Variants in PUDP observed in about 807,000 individuals in gnomAD.
PUDP encodes the protein pseudouridine 5'-phosphatase, also known as pseudouridine-5'-phosphatase.
Under a neutral mutation model 9.4 loss-of-function variants are expected in PUDP, and 8 were observed. That is an observed-to-expected ratio of 0.85 (90% CI 0.50 to 1.53). PUDP has a LOEUF of 1.53. Ranked by LOEUF, PUDP falls within the 40% of genes most tolerant of loss-of-function variation. The pLI, the probability that PUDP is intolerant of heterozygous loss-of-function variation, is 0.00. For missense variants in PUDP, 188 were observed against 189.7 expected (o/e 0.99, Z 0.05); for synonymous variants, 99 against 80.7 (o/e 1.23, Z -1.22).
intron 1 of PUDP, among the ~76,000 whole-genome samples, chrX:6,998,099 G>C (rs2146807841): frequency 8.9e-6 from 1 of 111,792 alleles, no homozygotes; most frequent in Non-Finnish European, 1.9e-5. Context: ...TACAAGTATT[G>C]ACACTGAGGA....
At chrX:6,940,820 G>A (rs1345854146) in intron 3 of PUDP, among the ~76,000 whole-genome samples, 1 of 111,712 alleles carries the variant, frequency 9.0e-6, no homozygotes, top group African/African-American at 3.3e-5. Flanking sequence ...AAGTGCAGTG[G>A]AGCCCCAAGT....
chrX:7,043,127 G>A (rs1275887739), intron 1 of PUDP, among the ~76,000 whole-genome samples: 5 of 111,731 alleles, frequency 4.5e-5, no homozygotes, highest in African/African-American at 1.6e-4. Context: ...AGAAGTCCTG[G>A]GGCAGGTGAT....
At chrX:6,807,833 C>A (rs1239453630) in intron 3 of PUDP, among the ~76,000 whole-genome samples, 1 of 112,057 alleles carries the variant, frequency 8.9e-6, no homozygotes, top group Non-Finnish European at 1.9e-5. Context: ...TGGCTGAAAT[C>A]TCCCTTTGCC....
At chrX:7,103,671 A>G (rs1931802096) in intron 2 of PUDP, among the ~76,000 whole-genome samples, 1 of 112,568 alleles carries the variant, frequency 8.9e-6, no homozygotes, top group African/African-American at 3.2e-5. Context: ...ACAGTTTAAC[A>G]TTCAAAATAC....
At chrX:6,750,161 G>A (rs747230729) in intron 3 of PUDP, among the ~76,000 whole-genome samples, 3 of 111,891 alleles carry the variant, frequency 2.7e-5, no homozygotes, top group African/African-American at 9.7e-5. Flanking sequence ...GTTTCAGAGT[G>A]TGGAGCCGTT....
At chrX:6,924,797 T>C (rs781593479) in intron 3 of PUDP, among the ~76,000 whole-genome samples, 4 of 112,874 alleles carry the variant, frequency 3.5e-5, no homozygotes, top group Admixed American at 2.8e-4. Flanking sequence ...CAATGCGTTA[T>C]TTAAATATGA....
chrX:6,766,990 A>C (rs1054957549), intron 3 of PUDP, among the ~76,000 whole-genome samples: 15 of 112,978 alleles, frequency 1.3e-4, no homozygotes, highest in African/African-American at 4.8e-4. Context: ...ACAAACACAC[A>C]TGTCACATTA....
At chrX:6,847,928 T>C (rs1289057494) in intron 3 of PUDP, among the ~76,000 whole-genome samples, 1 of 111,873 alleles carries the variant, frequency 8.9e-6, no homozygotes, top group Non-Finnish European at 1.9e-5. Flanking sequence ...GTGAAACCTC[T>C]GCATATGTGA....
At chrX:6,741,937 C>T (rs1471699916) in intron 3 of PUDP, among the ~76,000 whole-genome samples, 1 of 109,447 alleles carries the variant, frequency 9.1e-6, no homozygotes, top group Non-Finnish European at 1.9e-5. Context: ...TTCACTGTAA[C>T]CTCCATCTCC....
At chrX:7,065,420 G>T (rs4830579) in intron 3 of PUDP, among the ~76,000 whole-genome samples, 22,891 of 111,486 alleles carry the variant, frequency 0.21, 1,834 homozygotes, top group South Asian at 0.32. Flanking sequence ...ATTGGAGTAG[G>T]ATTCACCTTA....
chrX:6,864,976 GA>G (rs1479666489), intron 3 of PUDP, among the ~76,000 whole-genome samples: 1 of 111,783 alleles, frequency 8.9e-6, no homozygotes, highest in Non-Finnish European at 1.9e-5. Flanking sequence ...GATGTTTGGG[GA>G]TAGAGGTGTC....
intron 1 of PUDP, among the ~76,000 whole-genome samples, chrX:6,981,813 A>T (rs1174177558): frequency 1.8e-5 from 2 of 110,948 alleles, no homozygotes; most frequent in Non-Finnish European, 3.8e-5. Context: ...TTGGACACAG[A>T]CCTTCAGATT....
At chrX:6,796,785 C>G (rs1469342480) in intron 3 of PUDP, among the ~76,000 whole-genome samples, 2 of 111,585 alleles carry the variant, frequency 1.8e-5, no homozygotes, top group Non-Finnish European at 3.8e-5. Context: ...GACAAGAAGC[C>G]ATATCACTTG....
At chrX:7,076,186 C>T (rs944601227) in intron 3 of PUDP, among the ~76,000 whole-genome samples, 7 of 112,065 alleles carry the variant, frequency 6.2e-5, no homozygotes, top group African/African-American at 1.6e-4. Context: ...AAGACTACTC[C>T]GGTAGCTCCG....
chrX:7,030,636 A>T (rs1210987678), intron 1 of PUDP, among the ~76,000 whole-genome samples: 1 of 111,466 alleles, frequency 9.0e-6, no homozygotes, highest in African/African-American at 3.3e-5. Flanking sequence ...GCTCTGGCAC[A>T]CACTGACAAG....
At chrX:6,809,184 A>G (rs1259860202) in intron 3 of PUDP, among the ~76,000 whole-genome samples, 1 of 111,372 alleles carries the variant, frequency 9.0e-6, no homozygotes, top group Admixed American at 9.6e-5. Context: ...CATGTCTTCA[A>G]GTTGCCACAG....
intron 3 of PUDP, among the ~76,000 whole-genome samples, chrX:6,792,548 G>T (rs1018424022): frequency 3.6e-5 from 4 of 110,777 alleles, no homozygotes; most frequent in African/African-American, 1.3e-4. Flanking sequence ...CCAGAGTAAA[G>T]AAATGTCCTG....
intron 3 of PUDP, among the ~76,000 whole-genome samples, chrX:6,856,248 G>T (rs1926904316): frequency 9.0e-6 from 1 of 111,706 alleles, no homozygotes; most frequent in Non-Finnish European, 1.9e-5. Flanking sequence ...TGACCACCAA[G>T]CAGGTGACCA....
chrX:6,709,819 G>A (rs981904283), intron 1 of PUDP, among the ~76,000 whole-genome samples: 1 of 111,966 alleles, frequency 8.9e-6, no homozygotes, highest in Non-Finnish European at 1.9e-5. Context: ...AGAGAAACTG[G>A]ACGTTTTAAA....
Sources: allele counts gnomAD v4.1 joint callset (sites outside exome capture counted in the v4.1 genomes callset), GRCh38; gene constraint gnomAD v4.1.1; transcripts MANE v1.5; gene names NCBI Gene and HGNC (gene_info 2026-07-23, HGNC 2026-07-21).